The following NEGR1 variants were observed in gnomAD, a reference collection of about 807,000 sequenced individuals.
The protein encoded by NEGR1 is neuronal growth regulator 1.
NEGR1 carries 10 observed loss-of-function variants against 40.9 expected under a neutral mutation model. That is an observed-to-expected ratio of 0.24 (90% confidence interval 0.15 to 0.42). NEGR1 has a LOEUF of 0.42. Among genes scored for constraint, NEGR1 ranks in the 10% least tolerant of loss-of-function variants. NEGR1 has a pLI of 1.00. For missense variants in NEGR1, 352 were observed against 438.9 expected, an observed-to-expected ratio of 0.80 and a Z score of 1.77; for synonymous variants, 185 against 166.8, an observed-to-expected ratio of 1.11 and a Z score of -0.84.
intron 2 of NEGR1, among the ~76,000 whole-genome samples, chr1:71,894,731 A>C (rs1660917804): frequency 6.6e-6 from 1 of 152,172 alleles, no homozygotes; most frequent in Non-Finnish European, 1.5e-5. Context: ...TCTCTCAATA[A>C]GTTTTATTTT....
intron 1 of NEGR1, among the ~76,000 whole-genome samples, chr1:72,209,408 A>C (rs1477056103): frequency 6.6e-6 from 1 of 151,616 alleles, no homozygotes; most frequent in Non-Finnish European, 1.5e-5. Flanking sequence ...TATGATTCTA[A>C]TTGGTCTCTT....
At chr1:72,236,634 A>G (rs183908179) in intron 1 of NEGR1, among the ~76,000 whole-genome samples, 3 of 152,050 alleles carry the variant, frequency 2.0e-5, no homozygotes, top group Admixed American at 2.0e-4. Flanking sequence ...TCTTATTGTA[A>G]AGGTACTTTC....
chr1:71,566,649 A>C (rs1648627104), intron 6 of NEGR1, among the ~76,000 whole-genome samples: 1 of 152,164 alleles, frequency 6.6e-6, no homozygotes, highest in South Asian at 2.1e-4. Context: ...CAGATAGTAA[A>C]TATTTTTGGC....
chr1:71,557,598 G>C (rs1196475469), intron 6 of NEGR1, among the ~76,000 whole-genome samples: 1 of 151,506 alleles, frequency 6.6e-6, no homozygotes, highest in African/African-American at 2.4e-5. Flanking sequence ...TTTTTACTTT[G>C]CAGTAGCTTT....
At chr1:71,937,225 A>G (rs1028611624) in intron 1 of NEGR1, among the ~76,000 whole-genome samples, 2 of 152,184 alleles carry the variant, frequency 1.3e-5, no homozygotes, top group African/African-American at 4.8e-5. Flanking sequence ...GCTTGTCCTT[A>G]TGTATTTAAT....
At chr1:72,033,992 C>A (rs1159815057) in intron 1 of NEGR1, among the ~76,000 whole-genome samples, 4 of 152,014 alleles carry the variant, frequency 2.6e-5, no homozygotes, top group Admixed American at 2.0e-4. Context: ...ATAAGAAAAC[C>A]AACAAAATTC....
At chr1:71,914,929 T>C (rs186939098) in intron 2 of NEGR1, among the ~76,000 whole-genome samples, 1 of 152,306 alleles carries the variant, frequency 6.6e-6, no homozygotes, top group East Asian at 1.9e-4. Context: ...GTGGATTTCT[T>C]TGCTCTTGTG....
chr1:72,209,070 T>C (rs184654604), intron 1 of NEGR1, among the ~76,000 whole-genome samples: 1 of 151,820 alleles, frequency 6.6e-6, no homozygotes. Context: ...TTGAAGTAAC[T>C]GGACACTTTC....
chr1:71,510,545 G>C (rs1007786578), intron 6 of NEGR1, among the ~76,000 whole-genome samples: 1 of 152,134 alleles, frequency 6.6e-6, no homozygotes, highest in African/African-American at 2.4e-5. Flanking sequence ...TGTAGAGGAG[G>C]GGTCAGCCCA....
rs187422572 is a variant in NEGR1 at position 71,611,265 on chromosome 1, C to A, written c.668-119G>T. 4.1e-4 allele frequency: 343 copies of A among 828,722 alleles called. 1 individual carries two copies. Among genetic ancestry groups the A allele is most frequent in the Non-Finnish European group, 6.1e-4 (328 of 536,010 alleles). 51.3% of individuals were successfully genotyped at this position (828,722 alleles called of 1,614,324 possible). A position where few individuals can be genotyped will look rare whatever the true frequency, so the allele number is the denominator to read the frequency against. Reference sequence around the variant, plus strand: ...TCAAAGCAATCTTATGCCTGATAGACCAACGCATCACATTTTCAGTGTTTT... The same window carrying A: ...TCAAAGCAATCTTATGCCTGATAGAACAACGCATCACATTTTCAGTGTTTT... On this transcript the variant is annotated intron_variant, in intron 4 of 6. Transcript: ENST00000357731.
chr1:71,763,934 G>C (rs1283724051), intron 3 of NEGR1, among the ~76,000 whole-genome samples: 1 of 152,090 alleles, frequency 6.6e-6, no homozygotes, highest in South Asian at 2.1e-4. Flanking sequence ...CATTGGTTCA[G>C]CAATCTTTAC....
chr1:72,002,024 T>G (rs545741038), intron 1 of NEGR1, among the ~76,000 whole-genome samples: 2 of 152,194 alleles, frequency 1.3e-5, no homozygotes, highest in East Asian at 3.9e-4. Flanking sequence ...CTTTTGAAAT[T>G]TTGGGTTTTA....
chr1:71,447,207 G>A (rs1424372300), intron 6 of NEGR1, among the ~76,000 whole-genome samples: 1 of 152,168 alleles, frequency 6.6e-6, no homozygotes, highest in African/African-American at 2.4e-5. Flanking sequence ...CACTCGTCAT[G>A]AGCCTCTAAT....
intron 2 of NEGR1, among the ~76,000 whole-genome samples, chr1:71,909,558 A>G (rs1471254723): frequency 6.6e-6 from 1 of 152,202 alleles, no homozygotes; most frequent in African/African-American, 2.4e-5. Flanking sequence ...GGCACTAGTG[A>G]GTAAATTTTA....
At chr1:72,011,487 C>T (rs999981258) in intron 1 of NEGR1, among the ~76,000 whole-genome samples, 3 of 152,000 alleles carry the variant, frequency 2.0e-5, no homozygotes, top group African/African-American at 7.3e-5. Flanking sequence ...GGTTAAACCA[C>T]CTAATGGAAA....
intron 2 of NEGR1, among the ~76,000 whole-genome samples, chr1:71,833,169 C>T (rs567135623): frequency 6.6e-6 from 1 of 151,896 alleles, no homozygotes; most frequent in African/African-American, 2.4e-5. Context: ...AAAATTGCTA[C>T]TTTTTGTTAT....
At chr1:71,997,319 T>C (rs1487442991) in intron 1 of NEGR1, among the ~76,000 whole-genome samples, 1 of 152,034 alleles carries the variant, frequency 6.6e-6, no homozygotes, top group Non-Finnish European at 1.5e-5. Flanking sequence ...TATCTCCTCA[T>C]TATTCTTCCT....
chr1:71,748,477 C>T lies in NEGR1; in HGVS notation c.535+27695G>A, dbSNP rs1335453697. ...TATATTTTCTTAGGTTTTAAACAAA[C>T]GTCAGTTTCCAAATAAAGGGAGAAT... On this transcript the variant is annotated intron_variant, in intron 3 of 6. Coordinates refer to ENST00000357731, the MANE Select transcript of NEGR1 (RefSeq NM_173808.3). 5.3e-5 allele frequency among the ~76,000 whole-genome samples: 8 copies of T among 152,188 alleles called. No individual in the cohort carries two copies. In the South Asian group the frequency reaches 6.2e-4, roughly 12 times the overall value.
intron 4 of NEGR1, among the ~76,000 whole-genome samples, chr1:71,651,327 A>G (rs1651710296): frequency 6.6e-6 from 1 of 152,122 alleles, no homozygotes; most frequent in African/African-American, 2.4e-5. Flanking sequence ...TCAGAATGTT[A>G]CTTGTATGAT....
Sources: allele counts gnomAD v4.1 joint callset (sites outside exome capture counted in the v4.1 genomes callset), GRCh38; gene constraint gnomAD v4.1.1; transcripts MANE v1.5; gene names NCBI Gene and HGNC (gene_info 2026-07-23, HGNC 2026-07-21).